The following GRAMD4 variants were observed in gnomAD, a reference collection of about 807,000 sequenced individuals.
The protein encoded by GRAMD4 is GRAM domain-containing protein 4.
A neutral mutation model predicts 83.9 loss-of-function variants in GRAMD4; 25 were observed. The ratio of observed to expected loss-of-function variants is 0.30; its 90% CI spans 0.22 to 0.42. GRAMD4 has a LOEUF of 0.42. Among genes scored for constraint, GRAMD4 ranks in the 10% least tolerant of loss-of-function variants. The probability of loss-of-function intolerance (pLI) is 1.00; values close to 1 mark genes in which losing one functional copy is unlikely to be tolerated. For synonymous variants in GRAMD4, 336 were observed against 320.9 expected (o/e 1.05, Z -0.50); for missense variants, 593 against 788.7 (o/e 0.75, Z 2.97).
chr22:46,666,113 C>T (rs1030651058), intron 9 of GRAMD4, among the ~76,000 whole-genome samples: 1 of 152,172 alleles, frequency 6.6e-6, no homozygotes, highest in Non-Finnish European at 1.5e-5. Flanking sequence ...GAGTACCAGT[C>T]GCCTGCAGAC....
chr22:46,666,977 G>A (rs773591819), intron 10 of GRAMD4, 104 bp downstream of exon 10: 6 of 810,470 alleles, frequency 7.4e-6, no homozygotes, highest in South Asian at 7.1e-5. Context: ...AGGCCATGTG[G>A]TCATCCCCCT....
At position 46,643,268 on chromosome 22, in the gene GRAMD4, C is replaced by T. The variant is rs1035846990; in HGVS notation, c.283+5308C>T. 2.1e-4 allele frequency among the ~76,000 whole-genome samples: 32 copies of T among 151,246 alleles called. No homozygotes were observed. In the Middle Eastern group the frequency reaches 0.01, roughly 49 times the overall value. ...CCATCCATCCAACCATCCGTCCATC[C>T]GTCCATCCATCTATCCATCCATCCA... On this transcript the variant is annotated intron_variant, in intron 3 of 18. Transcript: ENST00000406902.
rs1181705183 is a variant in GRAMD4 at position 46,620,833 on chromosome 22, G to A, written c.-50+268G>A. Among the ~76,000 whole-genome samples the A allele has an allele frequency of 2.0e-5, 3 of 152,142 alleles. No homozygotes were observed. Among genetic ancestry groups the A allele is most frequent in the East Asian group, 1.9e-4 (1 of 5,182 alleles). On this transcript the variant is annotated intron_variant, in intron 1 of 18. Coordinates refer to ENST00000406902, the MANE Select transcript of GRAMD4 (RefSeq NM_015124.5). This position sits in a 1 kb window ranked among gnomAD's most constrained non-coding sequence, Gnocchi z 4.7. The stretch of plus-strand genomic sequence containing the variant: ...AGAACCTGGCCTGGTCAGGAGGGCC[G>A]GCAAGAGGAGGAGCCTCCCAGGAAG...
At chr22:46,619,063 A>G (rs973980806), upstream of GRAMD4, among the ~76,000 whole-genome samples, 1 of 152,248 alleles carries the variant, frequency 6.6e-6, no homozygotes, top group Non-Finnish European at 1.5e-5. Context: ...CCCAGCTGGC[A>G]GGACTGAGGC....
intron 3 of GRAMD4, among the ~76,000 whole-genome samples, chr22:46,640,114 G>C (rs975171482): frequency 6.6e-6 from 1 of 152,240 alleles, no homozygotes; most frequent in African/African-American, 2.4e-5. Flanking sequence ...GGAGAGCATA[G>C]CTCAGCAGAC....
chr22:46,651,594 C>T (rs1254008377), intron 3 of GRAMD4, among the ~76,000 whole-genome samples: 3 of 152,244 alleles, frequency 2.0e-5, no homozygotes, highest in African/African-American at 7.2e-5. Context: ...TGCTCACACA[C>T]GTCTTGCACA....
intron 1 of GRAMD4, among the ~76,000 whole-genome samples, chr22:46,607,022 C>T (rs1317706394): frequency 6.6e-6 from 1 of 152,214 alleles, no homozygotes; most frequent in Admixed American, 6.5e-5. Flanking sequence ...AGAGCGTTTG[C>T]CTGAGAATCC....
chr22:46,647,539 A>G (rs912086545), intron 3 of GRAMD4, among the ~76,000 whole-genome samples: 1 of 152,204 alleles, frequency 6.6e-6, no homozygotes, highest in Non-Finnish European at 1.5e-5. Context: ...AGGGGCTGGG[A>G]TGAAGTCAGA....
chr22:46,594,028 T>C (rs2081235696), intron 1 of GRAMD4, among the ~76,000 whole-genome samples: 1 of 151,482 alleles, frequency 6.6e-6, no homozygotes, highest in Admixed American at 6.6e-5. Flanking sequence ...CCCAGCCATA[T>C]TTTCGTTATT....
chr22:46,603,731 T>C (rs1280402389), intron 1 of GRAMD4, among the ~76,000 whole-genome samples: 1 of 151,478 alleles, frequency 6.6e-6, no homozygotes, highest in African/African-American at 2.4e-5. Flanking sequence ...TTAGCCAGGA[T>C]GGTCTCGATC....
At chr22:46,629,179 T>C (rs2081726752) in intron 2 of GRAMD4, among the ~76,000 whole-genome samples, 2 of 152,098 alleles carry the variant, frequency 1.3e-5, no homozygotes, top group South Asian at 4.1e-4. Flanking sequence ...TGGGGCATCG[T>C]GCTGAATGCA....
chr22:46,627,047 T>G lies in GRAMD4; in HGVS notation c.162+86T>G. 5.5e-6 allele frequency: 5 copies of G among 913,356 alleles called. No individual in the cohort carries two copies. In the South Asian group the frequency reaches 7.2e-5, roughly 13 times the overall value. 56.6% of individuals were successfully genotyped at this position (913,356 alleles called of 1,614,324 possible). A position where few individuals can be genotyped will look rare whatever the true frequency, so the allele number is the denominator to read the frequency against. On this transcript the variant is annotated intron_variant, in intron 2 of 18. Coordinates refer to ENST00000406902, the MANE Select transcript of GRAMD4 (RefSeq NM_015124.5). ...GGGCCAAGCGTGGACTCAGGCAGATTCGTGTCCTGCCCATGCTGGTCAGAG... is the reference window on the plus strand; with the variant it reads ...GGGCCAAGCGTGGACTCAGGCAGATGCGTGTCCTGCCCATGCTGGTCAGAG...
At chr22:46,577,928 A>T (rs1299931569) in intron 1 of GRAMD4, among the ~76,000 whole-genome samples, 1 of 152,140 alleles carries the variant, frequency 6.6e-6, no homozygotes, top group Non-Finnish European at 1.5e-5. Context: ...CCGAGGCCCC[A>T]CATGTCTAGA....
At chr22:46,639,737 C>T (rs1388056116) in intron 3 of GRAMD4, among the ~76,000 whole-genome samples, 1 of 152,084 alleles carries the variant, frequency 6.6e-6, no homozygotes, top group Non-Finnish European at 1.5e-5. Flanking sequence ...GTATATCCAT[C>T]TGTACTCTGA....
In GRAMD4 at chr22:46,626,907, C is replaced by T. The variant is rs754902732; in HGVS notation, c.108C>T (p.Ile36=). The change falls in exon 2 of 19, where the codon ATC becomes ATT. Residue 36 remains isoleucine (I), a synonymous_variant. Transcript: ENST00000406902. Reference sequence around the variant, plus strand: ...CGGACACCGAATGCAGCGACGAAATCCCCCTGAAGGTACCGCGGACCTCGC... The same window carrying T: ...CGGACACCGAATGCAGCGACGAAATTCCCCTGAAGGTACCGCGGACCTCGC... ...NASDTECSDE[I]PLKVPRTSPR... is the part of the protein sequence containing the mutation. 6.2e-6 allele frequency: 10 copies of T among 1,614,156 alleles called. No homozygotes were observed. The South Asian group carries it at 9.9e-5, about 16-fold the overall frequency.
chr22:46,603,642 G>A (rs1355855989), intron 1 of GRAMD4, among the ~76,000 whole-genome samples: 3 of 150,550 alleles, frequency 2.0e-5, no homozygotes, highest in African/African-American at 7.4e-5. Flanking sequence ...TCAGCCTCTC[G>A]AGTAGCTGGG....
chr22:46,674,266 G>A (rs540239922), intron 15 of GRAMD4, among the ~76,000 whole-genome samples: 2 of 152,314 alleles, frequency 1.3e-5, no homozygotes, highest in Non-Finnish European at 2.9e-5. Flanking sequence ...GGTGTGTGAT[G>A]AGCGGCTGCA....
At chr22:46,633,645 C>T (rs1010435932) in intron 2 of GRAMD4, among the ~76,000 whole-genome samples, 2 of 152,248 alleles carry the variant, frequency 1.3e-5, no homozygotes, top group African/African-American at 2.4e-5. Flanking sequence ...GCCAAGGCCA[C>T]TGGCTTCCTG....
intron 1 of GRAMD4, among the ~76,000 whole-genome samples, chr22:46,598,311 G>C (rs1258736514): frequency 6.6e-6 from 1 of 152,008 alleles, no homozygotes; most frequent in African/African-American, 2.4e-5. Context: ...AAAATTTAAT[G>C]AGAATTCTAG....
Sources: allele counts gnomAD v4.1 joint callset (sites outside exome capture counted in the v4.1 genomes callset), GRCh38; gene constraint gnomAD v4.1.1; non-coding constraint Gnocchi (gnomAD v3.1); transcripts MANE v1.5; gene names NCBI Gene and HGNC (gene_info 2026-07-23, HGNC 2026-07-21).